NPIPB2: variants seen among roughly 807,000 people sequenced by gnomAD.
The protein encoded by NPIPB2 is nuclear pore complex interacting protein family member B2.
In NPIPB2, 27 loss-of-function variants were observed where a neutral mutation model predicts 30.8. The observed-to-expected ratio is 0.88, with a 90% CI of 0.65 to 1.21. The LOEUF (loss-of-function observed/expected upper bound fraction) is 1.21. NPIPB2 is among the 50% of genes most tolerant of loss of function. The pLI, the probability that NPIPB2 is intolerant of heterozygous loss-of-function variation, is 0.00. For missense variants in NPIPB2, 440 were observed against 446.2 expected (o/e 0.99, Z 0.13); for synonymous variants, 147 against 162.0 (o/e 0.91, Z 0.70).
chr16:11,971,412 G>T (rs2055234710), intron 1 of NPIPB2, among the ~76,000 whole-genome samples: 1 of 138,572 alleles, frequency 7.2e-6, no homozygotes, highest in African/African-American at 2.6e-5. Flanking sequence ...GTCCAGAAAG[G>T]CAGGCCAACT....
intron 1 of NPIPB2, among the ~76,000 whole-genome samples, chr16:11,961,223 C>T (rs2055150447): frequency 6.6e-6 from 1 of 152,090 alleles, no homozygotes; most frequent in South Asian, 2.1e-4. Context: ...TCTCCTTTGC[C>T]TGTCTTCCAA....
chr16:11,966,832 A>T (rs3907834), intron 1 of NPIPB2, among the ~76,000 whole-genome samples: 262 of 152,274 alleles, frequency 1.7e-3, no homozygotes, highest in African/African-American at 6.1e-3. Context: ...TCATCTAAAA[A>T]ATAATTATTT....
At chr16:11,946,247 T>C (rs2055008120), upstream of NPIPB2, among the ~76,000 whole-genome samples, 1 of 151,676 alleles carries the variant, frequency 6.6e-6, no homozygotes. Flanking sequence ...TAGCCAGGCA[T>C]GGTGGCACAT....
chr16:11,948,233 G>A (rs2055030867), intron 1 of NPIPB2, among the ~76,000 whole-genome samples: 1 of 151,884 alleles, frequency 6.6e-6, no homozygotes, highest in Admixed American at 6.6e-5. Flanking sequence ...GGAAGGGTTG[G>A]TGACCTGGTC....
At chr16:11,944,906 C>T (rs200316164), upstream of NPIPB2, among the ~76,000 whole-genome samples, 2 of 151,500 alleles carry the variant, frequency 1.3e-5, no homozygotes, top group African/African-American at 2.4e-5. Context: ...CAGCCGGGCA[C>T]GGTGGCTCAT....
chr16:11,952,175 C>CAAAAAA (rs112970450), intron 1 of NPIPB2, among the ~76,000 whole-genome samples: 18 of 128,842 alleles, frequency 1.4e-4, no homozygotes, highest in African/African-American at 5.3e-4. Flanking sequence ...AAAAACAAAA[C>CAAAAAA]AAAAAAAAAA....
At chr16:11,945,415 T>A (rs2054996034), upstream of NPIPB2, among the ~76,000 whole-genome samples, 1 of 151,948 alleles carries the variant, frequency 6.6e-6, no homozygotes, top group Non-Finnish European at 1.5e-5. Context: ...AACTCACACC[T>A]GTAATCTCAG....
chr16:11,932,291 A>AAT (rs2054800361), intron 4 of NPIPB2, among the ~76,000 whole-genome samples: 2 of 152,090 alleles, frequency 1.3e-5, no homozygotes, highest in East Asian at 3.9e-4. Context: ...GTCATATGGC[A>AAT]GCAAAATACA....
chr16:11,965,330 G>T, intron 1 of NPIPB2: 9 of 1,613,998 alleles, frequency 5.6e-6, no homozygotes. Context: ...TGATCATGTT[G>T]CAGATGGCTG....
At chr16:11,973,602 T>C (rs1255743300) in intron 1 of NPIPB2, among the ~76,000 whole-genome samples, 1 of 152,164 alleles carries the variant, frequency 6.6e-6, no homozygotes, top group African/African-American at 2.4e-5. Flanking sequence ...AGTTTTGTTC[T>C]TGTTGCCCAG....
chr16:11,938,771 C>A (rs191652518), intron 1 of NPIPB2, among the ~76,000 whole-genome samples: 2 of 151,918 alleles, frequency 1.3e-5, no homozygotes. Flanking sequence ...TGTTTTGAGA[C>A]AAAGTTTTGC....
At chr16:11,943,119 A>C (rs1420056587), upstream of NPIPB2, among the ~76,000 whole-genome samples, 2 of 151,982 alleles carry the variant, frequency 1.3e-5, no homozygotes, top group Non-Finnish European at 2.9e-5. Context: ...CAGGAGTTCC[A>C]GACCAGCCTG....
intron 1 of NPIPB2, among the ~76,000 whole-genome samples, chr16:11,960,594 G>A (rs1051317241): frequency 6.6e-6 from 1 of 152,024 alleles, no homozygotes; most frequent in African/African-American, 2.4e-5. Context: ...CTGACCTCAG[G>A]TTATCCGCCC....
chr16:11,955,064 C>T (rs1251466861), intron 1 of NPIPB2, among the ~76,000 whole-genome samples: 1 of 151,890 alleles, frequency 6.6e-6, no homozygotes, highest in Admixed American at 6.6e-5. Context: ...TGAAGTAATC[C>T]ATTTCATCTA....
chr16:11,952,744 T>A (rs1048268443), intron 1 of NPIPB2, among the ~76,000 whole-genome samples: 13 of 151,904 alleles, frequency 8.6e-5, no homozygotes, highest in Admixed American at 5.3e-4. Context: ...TTTGCATTTT[T>A]TAGTAGAGAT....
intron 1 of NPIPB2, chr16:11,967,493 C>A: frequency 7.1e-7 from 1 of 1,417,698 alleles, no homozygotes; most frequent in Non-Finnish European, 9.6e-7. Flanking sequence ...CTTTGAGTCC[C>A]GATGTGTACT....
intron 4 of NPIPB2, among the ~76,000 whole-genome samples, chr16:11,932,919 T>C (rs1057259763): frequency 1.7e-4 from 23 of 133,974 alleles, no homozygotes; most frequent in African/African-American, 5.4e-4. Context: ...GATTGCACCA[T>C]AGCACTCCAG....
chr16:11,947,611 T>A (rs992875829), intron 1 of NPIPB2, among the ~76,000 whole-genome samples: 1 of 152,000 alleles, frequency 6.6e-6, no homozygotes, highest in Non-Finnish European at 1.5e-5. Context: ...CCCAAAATGC[T>A]GGGATTACAG....
chr16:11,971,218 G>A (rs140017096), intron 1 of NPIPB2, among the ~76,000 whole-genome samples: 39 of 152,136 alleles, frequency 2.6e-4, no homozygotes, highest in African/African-American at 9.4e-4. Context: ...TAAAGAAAAG[G>A]GTCAAACTCT....
Sources: allele counts gnomAD v4.1 joint callset (sites outside exome capture counted in the v4.1 genomes callset), GRCh38; gene constraint gnomAD v4.1.1; transcripts MANE v1.5; gene names NCBI Gene and HGNC (gene_info 2026-07-23, HGNC 2026-07-21).